Variants in SND1 observed in about 807,000 individuals in gnomAD.
The protein encoded by SND1 is staphylococcal nuclease and tudor domain containing 1, also known as staphylococcal nuclease domain-containing protein 1.
Under a neutral mutation model 121.7 loss-of-function variants are expected in SND1, and 38 were observed. The ratio of observed to expected loss-of-function variants is 0.31; its 90% confidence interval spans 0.24 to 0.41. SND1 has a LOEUF of 0.41. Among genes scored for constraint, SND1 ranks in the 10% least tolerant of loss-of-function variants. The pLI is 1.00. For missense variants in SND1, 868 were observed against 1,184.6 expected, an observed-to-expected ratio of 0.73 and a Z score of 3.92; for synonymous variants, 401 against 447.4, an observed-to-expected ratio of 0.90 and a Z score of 1.31.
intron 12 of SND1, chr7:127,858,003 C>T (rs941387032): frequency 3.2e-5 from 47 of 1,456,294 alleles, no homozygotes; most frequent in East Asian, 9.1e-5. Flanking sequence ...CGGCATCCCC[C>T]GGGTTCTCCC....
chr7:127,791,579 G>A (rs527609441), intron 10 of SND1, among the ~76,000 whole-genome samples: 34 of 151,900 alleles, frequency 2.2e-4, no homozygotes, highest in East Asian at 5.8e-4. Flanking sequence ...GAACATTTTC[G>A]TCTTACACAA....
intron 15 of SND1, among the ~76,000 whole-genome samples, chr7:127,976,690 A>G (rs959372349): frequency 3.3e-5 from 5 of 152,310 alleles, no homozygotes; most frequent in East Asian, 1.9e-4. Flanking sequence ...CAGTAGAACA[A>G]TCTTTCCCTG....
intron 16 of SND1, chr7:128,031,646 C>A (rs1447084953): frequency 1.4e-5 from 2 of 147,406 alleles, no homozygotes; most frequent in Non-Finnish European, 3.0e-5. Context: ...GCGCTCGGAC[C>A]CGGTCCGCCG....
chr7:127,841,688 C>T (rs1430810118), intron 11 of SND1, among the ~76,000 whole-genome samples: 1 of 150,902 alleles, frequency 6.6e-6, no homozygotes, highest in Non-Finnish European at 1.5e-5. Context: ...CATTCCTTGC[C>T]CTTTTTTTGG....
chr7:127,959,014 C>T (rs914277286), intron 15 of SND1, among the ~76,000 whole-genome samples: 2 of 152,104 alleles, frequency 1.3e-5, no homozygotes. Flanking sequence ...AATGAACACA[C>T]CATTGGAAGC....
At chr7:127,908,142 A>G (rs1563054540) in intron 14 of SND1, among the ~76,000 whole-genome samples, 2 of 152,074 alleles carry the variant, frequency 1.3e-5, no homozygotes, top group Admixed American at 1.3e-4. Context: ...CAGTTTGTCT[A>G]GGGCTTTGAT....
chr7:127,868,026 G>A (rs1334358937), intron 12 of SND1, among the ~76,000 whole-genome samples: 1 of 152,076 alleles, frequency 6.6e-6, no homozygotes, highest in Non-Finnish European at 1.5e-5. Flanking sequence ...TTTGCTGTAG[G>A]TACTCCGTCT....
intron 10 of SND1, among the ~76,000 whole-genome samples, chr7:127,737,829 A>G (rs1796804538): frequency 6.6e-6 from 1 of 152,090 alleles, no homozygotes. Flanking sequence ...TGATTTTTGG[A>G]TTAGGGATAC....
At chr7:127,668,247 T>A (rs1795454057) in intron 1 of SND1, among the ~76,000 whole-genome samples, 2 of 152,304 alleles carry the variant, frequency 1.3e-5, no homozygotes, top group South Asian at 4.1e-4. Flanking sequence ...GTCCATTAAT[T>A]CCCTGCCTCT....
chr7:128,047,917 G>A (rs1317243118), intron 16 of SND1, among the ~76,000 whole-genome samples: 2 of 150,640 alleles, frequency 1.3e-5, no homozygotes, highest in South Asian at 2.1e-4. Context: ...GTGTGATCTC[G>A]GCTCACTGCA....
intron 10 of SND1, among the ~76,000 whole-genome samples, chr7:127,735,478 C>T (rs956479707): frequency 1.1e-4 from 16 of 151,948 alleles, no homozygotes; most frequent in Non-Finnish European, 1.3e-4. Context: ...TTTGGGAGGC[C>T]GAGAGAGGAG....
chr7:127,900,021 A>G (rs1434769825), intron 13 of SND1, among the ~76,000 whole-genome samples: 1 of 152,024 alleles, frequency 6.6e-6, no homozygotes, highest in Non-Finnish European at 1.5e-5. Flanking sequence ...TCTCCCTGCC[A>G]CCTATTGCAT....
Position 128,028,520 on chromosome 7 carries a change from CTT to C in SND1, c.1779+37468_1779+37469del, listed in dbSNP as rs563331948. The C allele has an allele frequency of 8.4e-4, 555 of 658,974 alleles. 3 individuals carry two copies. The African/African-American group carries it at 8.8e-3, about 10-fold the overall frequency. 40.8% of individuals were successfully genotyped at this position (658,974 alleles called of 1,614,324 possible). On this transcript the variant is annotated intron_variant, in intron 16 of 23. Transcript: ENST00000354725. Reference sequence around the variant, plus strand: ...AAGTTAGAAAATATTTTTGTTTTGACTTTTTGTCTTTAAATTTTAATATAATC... The same window carrying C: ...AAGTTAGAAAATATTTTTGTTTTGACTTTGTCTTTAAATTTTAATATAATC...
Position 128,061,449 on chromosome 7 carries a change from G to A in SND1, c.1780-13053G>A, listed in dbSNP as rs528773545. On this transcript the variant is annotated intron_variant, in intron 16 of 23. Coordinates refer to ENST00000354725, the MANE Select transcript of SND1 (RefSeq NM_014390.4). Reference sequence around the variant, plus strand: ...AGTGTGGTCCCTGTGTGGAGAAGCTGTGGGGTCAAGATGCCCGGGCTAGGC... The same window carrying A: ...AGTGTGGTCCCTGTGTGGAGAAGCTATGGGGTCAAGATGCCCGGGCTAGGC... Among the ~76,000 whole-genome samples, 4 of 152,340 alleles carry A rather than the reference G, an allele frequency of 2.6e-5. No homozygotes were observed. In the East Asian group the frequency reaches 7.7e-4, roughly 29 times the overall value.
chr7:128,029,531 T>C lies in SND1; in HGVS notation c.1779+38475T>C, dbSNP rs73238074. ...TAGGGGGAGTCCGACACTTAAGTTC[T>C]GCCATCCGACCCTCAGAAATGTTGA... On this transcript the variant is annotated intron_variant, in intron 16 of 23. Transcript: ENST00000354725. The surrounding 1 kb of genome is among the most constrained non-coding windows in gnomAD (Gnocchi z 4.2). 0.14 allele frequency: 226,337 copies of C among 1,613,924 alleles called. 17,450 individuals carry two copies. Among genetic ancestry groups the C allele is most frequent in the Admixed American group, 0.29 (17,192 of 60,000 alleles).
At chr7:127,664,862 A>G (rs933484499) in intron 1 of SND1, among the ~76,000 whole-genome samples, 5 of 152,176 alleles carry the variant, frequency 3.3e-5, no homozygotes, top group African/African-American at 1.2e-4. Flanking sequence ...CTTGGTGTGG[A>G]AAAAAACCCA....
chr7:127,664,520 C>T (rs923034995), intron 1 of SND1, among the ~76,000 whole-genome samples: 14 of 152,190 alleles, frequency 9.2e-5, no homozygotes, highest in African/African-American at 2.7e-4. Context: ...CTCCACCCCC[C>T]ATATATTACC....
chr7:127,698,015 G>A (rs769104511), intron 3 of SND1, among the ~76,000 whole-genome samples: 1 of 152,146 alleles, frequency 6.6e-6, no homozygotes, highest in South Asian at 2.1e-4. Flanking sequence ...AGAAAACACT[G>A]AGCCTGAAAG....
chr7:127,747,769 G>A (rs1279082457), intron 10 of SND1, among the ~76,000 whole-genome samples: 1 of 152,178 alleles, frequency 6.6e-6, no homozygotes, highest in East Asian at 1.9e-4. Flanking sequence ...AGCTAAAGGT[G>A]ACTTTTGCCT....
Sources: allele counts gnomAD v4.1 joint callset (sites outside exome capture counted in the v4.1 genomes callset), GRCh38; gene constraint gnomAD v4.1.1; non-coding constraint Gnocchi (gnomAD v3.1); transcripts MANE v1.5; gene names NCBI Gene and HGNC (gene_info 2026-07-23, HGNC 2026-07-21).